EYA1: variants seen among roughly 807,000 people sequenced by gnomAD.
The protein encoded by EYA1 is protein phosphatase EYA1.
A neutral mutation model predicts 82.0 loss-of-function variants in EYA1; 16 were observed. That is an observed-to-expected ratio of 0.20 (90% CI 0.13 to 0.30). The LOEUF is 0.30. Among genes scored for constraint, EYA1 ranks in the 10% least tolerant of loss-of-function variants. The probability of loss-of-function intolerance (pLI) is 1.00; values close to 1 mark genes in which losing one functional copy is unlikely to be tolerated. For synonymous variants in EYA1, 261 were observed against 264.4 expected, an observed-to-expected ratio of 0.99 and a Z score of 0.12; for missense variants, 633 against 730.7, an observed-to-expected ratio of 0.87 and a Z score of 1.54.
At chr8:71,433,969 A>T (rs1805816611) in intron 2 of EYA1, among the ~76,000 whole-genome samples, 1 of 152,206 alleles carries the variant, frequency 6.6e-6, no homozygotes, top group South Asian at 2.1e-4. Flanking sequence ...GAAGAAAGAT[A>T]GTGGCTTGCA....
intron 2 of EYA1, among the ~76,000 whole-genome samples, chr8:71,514,919 T>A (rs1162541925): frequency 6.6e-6 from 1 of 152,154 alleles, no homozygotes; most frequent in Non-Finnish European, 1.5e-5. Context: ...TATAGAAATA[T>A]CTAAGTCTTT....
intron 2 of EYA1, among the ~76,000 whole-genome samples, chr8:71,464,006 G>A (rs1433857932): frequency 6.6e-6 from 1 of 151,942 alleles, no homozygotes; most frequent in Non-Finnish European, 1.5e-5. Flanking sequence ...TGCCTTTTTG[G>A]ATCATTTCCA....
chr8:71,334,144 G>A lies in EYA1; in HGVS notation c.155C>T (p.Thr52Ile), dbSNP rs200206302. The A allele has an allele frequency of 1.2e-6, 2 of 1,613,598 alleles. No individual in the cohort carries two copies. Among genetic ancestry groups the A allele is most frequent in the African/African-American group, 1.3e-5 (1 of 75,008 alleles). ...AGACCCGTCGGCTGTCGTTGAAGCT[G>A]TTTCACTGCTGCTCATTGGCTCTGT... ...VKTEPMSSSE[T>I]ASTTADGSLN... Residue 52 changes from threonine to isoleucine, a missense_variant, in exon 4 of 18, where the codon ACA (threonine) becomes ATA (isoleucine). Thr to Ile is a moderately conservative substitution (Grantham distance 89, BLOSUM62 -1). Transcript: ENST00000340726.
rs1826889425 is a variant in EYA1, at chr8:71,356,467, A to G, written c.-10T>C. On this transcript the variant is annotated 5_prime_UTR_variant, in exon 2 of 18. Transcript: ENST00000340726. ...AATATCAACAATATCCTTACCTGCA[A>G]CTTGAGGAAACAGCAACATCTGAAC... is the stretch of plus-strand genomic sequence containing the variant. The G allele has an allele frequency of 6.3e-7, 1 of 1,584,738 alleles. No homozygotes were observed. Among genetic ancestry groups the G allele is most frequent in the Non-Finnish European group, 8.6e-7 (1 of 1,164,356 alleles).
chr8:71,452,619 G>C (rs928093556), intron 2 of EYA1, among the ~76,000 whole-genome samples: 2 of 152,160 alleles, frequency 1.3e-5, no homozygotes, highest in African/African-American at 4.8e-5. Flanking sequence ...AGCAATATTC[G>C]CTGTTCTGCA....
At chr8:71,428,480 C>T (rs529770776) in intron 2 of EYA1, among the ~76,000 whole-genome samples, 1 of 152,306 alleles carries the variant, frequency 6.6e-6, no homozygotes, top group South Asian at 2.1e-4. Context: ...GATCAATCTT[C>T]AAGGCTGAAA....
At chr8:71,295,293 C>G (rs1819475977) in intron 9 of EYA1, among the ~76,000 whole-genome samples, 1 of 152,012 alleles carries the variant, frequency 6.6e-6, no homozygotes, top group Admixed American at 6.5e-5. Context: ...AAAAGAAAAT[C>G]CATAGACTGG....
In EYA1 at chr8:71,274,968, G is replaced by A. The variant is rs550396748; in HGVS notation, c.827-3071C>T. On this transcript the variant is annotated intron_variant, in intron 9 of 17. Coordinates refer to ENST00000340726, the MANE Select transcript of EYA1 (RefSeq NM_000503.6). Reference sequence around the variant, plus strand: ...AGCAAGCGAGTGAACAAGCGCAAGCGCGTGCGAGAGCGCATGTCACATTTA... The same window carrying A: ...AGCAAGCGAGTGAACAAGCGCAAGCACGTGCGAGAGCGCATGTCACATTTA... 1.9e-4 allele frequency among the ~76,000 whole-genome samples: 29 copies of A among 152,032 alleles called. No homozygotes were observed. The South Asian group carries it at 5.6e-3, about 29-fold the overall frequency.
intron 10 of EYA1, chr8:71,270,243 CT>C (rs1816355717): frequency 6.0e-6 from 1 of 165,486 alleles, no homozygotes; most frequent in Non-Finnish European, 1.3e-5. Flanking sequence ...AATAATGAAT[CT>C]TATGTTTTAC....
intron 9 of EYA1, among the ~76,000 whole-genome samples, chr8:71,286,777 A>G (rs550173188): frequency 1.3e-3 from 199 of 149,550 alleles, no homozygotes; most frequent in African/African-American, 4.7e-3. Flanking sequence ...TAGTGTGACC[A>G]TGATAATTTC....
intron 17 of EYA1, among the ~76,000 whole-genome samples, chr8:71,200,462 T>TAACA (rs1469607114): frequency 6.6e-6 from 1 of 152,184 alleles, no homozygotes; most frequent in African/African-American, 2.4e-5. Context: ...TATTACTTAT[T>TAACA]AACAATGTAT....
intron 2 of EYA1, among the ~76,000 whole-genome samples, chr8:71,423,582 T>A (rs1437461239): frequency 6.6e-6 from 1 of 152,224 alleles, no homozygotes; most frequent in African/African-American, 2.4e-5. Context: ...CCCATTTTCT[T>A]CATATTGTGA....
At chr8:71,400,033 C>A (rs554311180) in intron 2 of EYA1, among the ~76,000 whole-genome samples, 2 of 151,378 alleles carry the variant, frequency 1.3e-5, no homozygotes, top group East Asian at 3.9e-4. Context: ...ACCTGAGAAA[C>A]AGCAATGGGG....
rs1242230379 is a variant in EYA1, at chr8:71,197,907, T to TATTA, written c.*1429_*1432dup. On this transcript the variant is annotated 3_prime_UTR_variant, in exon 18 of 18. Coordinates refer to ENST00000340726, the MANE Select transcript of EYA1 (RefSeq NM_000503.6). ...TATGGTCTGACAAAGGTGATAATTT[T>TATTA]ATTATTTCCCCAGATTGATGCCTGT... is the stretch of plus-strand genomic sequence containing the variant. 1 of 152,324 alleles carries TATTA rather than the reference T, an allele frequency of 6.6e-6. No homozygotes were observed. Among genetic ancestry groups the TATTA allele is most frequent in the East Asian group, 1.9e-4 (1 of 5,204 alleles). 9.4% of individuals were successfully genotyped at this position (152,324 alleles called of 1,614,324 possible). A position where few individuals can be genotyped will look rare whatever the true frequency, so the allele number is the denominator to read the frequency against.
intron 2 of EYA1, among the ~76,000 whole-genome samples, chr8:71,445,576 A>G (rs189045849): frequency 6.6e-6 from 1 of 152,146 alleles, no homozygotes; most frequent in Non-Finnish European, 1.5e-5. Flanking sequence ...CACTTTCTAT[A>G]TGTGTATTTC....
chr8:71,209,013 T>C (rs1808187224), intron 17 of EYA1, among the ~76,000 whole-genome samples: 2 of 152,210 alleles, frequency 1.3e-5, no homozygotes, highest in Non-Finnish European at 2.9e-5. Context: ...GAAAGCCACA[T>C]TTTAGCAATT....
chr8:71,545,226 G>A (rs1271865397), intron 1 of EYA1, among the ~76,000 whole-genome samples: 2 of 152,194 alleles, frequency 1.3e-5, no homozygotes, highest in Non-Finnish European at 2.9e-5. Context: ...GGAAAATACT[G>A]ACGATGCACC....
At chr8:71,241,179 T>C (rs570915704) in intron 12 of EYA1, among the ~76,000 whole-genome samples, 15 of 152,280 alleles carry the variant, frequency 9.9e-5, no homozygotes, top group African/African-American at 3.6e-4. Context: ...CGTCAAACAT[T>C]TTTTATGGTA....
At chr8:71,436,581 G>A (rs563144307) in intron 2 of EYA1, among the ~76,000 whole-genome samples, 10 of 152,220 alleles carry the variant, frequency 6.6e-5, no homozygotes, top group South Asian at 2.1e-4. Context: ...CATCTGCAGC[G>A]GACTGCGCCT....
Sources: gnomAD v4.1 joint callset for allele counts (sites outside exome capture counted in the v4.1 genomes callset) on GRCh38, gnomAD v4.1.1 for gene constraint, MANE v1.5 for transcripts, NCBI Gene and HGNC (gene_info 2026-07-23, HGNC 2026-07-21) for gene names.